The following CARMIL1 variants were observed in gnomAD, a reference collection of about 807,000 sequenced individuals.
CARMIL1 encodes the protein capping protein regulator and myosin 1 linker 1, also known as F-actin-uncapping protein LRRC16A.
In CARMIL1, 90 loss-of-function variants were observed where a neutral mutation model predicts 177.1. The observed-to-expected ratio is 0.51, with a 90% CI of 0.43 to 0.61. The LOEUF (loss-of-function observed/expected upper bound fraction) is 0.61, where lower values mean the gene tolerates loss of function less well. CARMIL1 is among the 20% of genes least tolerant of loss of function. CARMIL1 has a pLI of 0.00. For synonymous variants in CARMIL1, 577 were observed against 606.2 expected (o/e 0.95, Z 0.71); for missense variants, 1,380 against 1,667.0 (o/e 0.83, Z 3.00).
chr6:25,303,531 G>A (rs1220350649), intron 2 of CARMIL1, among the ~76,000 whole-genome samples: 2 of 152,172 alleles, frequency 1.3e-5, no homozygotes, highest in Non-Finnish European at 2.9e-5. Flanking sequence ...TCTGTTCTTA[G>A]AACCTTTGGT....
At chr6:25,335,623 A>T (rs772944989) in intron 2 of CARMIL1, among the ~76,000 whole-genome samples, 1 of 152,252 alleles carries the variant, frequency 6.6e-6, no homozygotes, top group Non-Finnish European at 1.5e-5. Context: ...CATGTCCCCA[A>T]GTGATAAATG....
rs769196410 is a variant in CARMIL1, at chr6:25,435,569, C to G, written c.336C>G (p.Thr112=). 1.3e-6 allele frequency: 2 copies of G among 1,568,210 alleles called. No individual in the cohort carries two copies. Among genetic ancestry groups the G allele is most frequent in the Non-Finnish European group, 1.7e-6 (2 of 1,155,418 alleles). The change falls in exon 5 of 37, where the codon ACC becomes ACG. Residue 112 remains threonine, a synonymous_variant. Transcript: ENST00000329474. The part of the protein sequence containing the change: ...DVSEVLAHIG[T]CLRKIFPGLS... ...GTGAGGTGCTGGCTCACATAGGCAC[C>G]TGCCTGAGGAAGATATTTCCTGGCC...
intron 17 of CARMIL1, among the ~76,000 whole-genome samples, chr6:25,507,790 A>G (rs1378490439): frequency 6.6e-6 from 1 of 152,204 alleles, no homozygotes; most frequent in African/African-American, 2.4e-5. Flanking sequence ...TCTCAAAAGC[A>G]TACTTTTTTC....
chr6:25,610,310 A>C, intron 36 of CARMIL1, 129 bp downstream of exon 36: 2 of 1,078,692 alleles, frequency 1.9e-6, no homozygotes, highest in Non-Finnish European at 2.5e-6. Context: ...GCTTGGGTTA[A>C]ATTTTTGGAA....
At chr6:25,338,075 G>A (rs1016687377) in intron 2 of CARMIL1, among the ~76,000 whole-genome samples, 3 of 152,000 alleles carry the variant, frequency 2.0e-5, no homozygotes, top group African/African-American at 7.3e-5. Context: ...TGGCCAACAT[G>A]GCGAAACCCC....
At chr6:25,321,875 G>T (rs992893684) in intron 2 of CARMIL1, among the ~76,000 whole-genome samples, 85 of 152,116 alleles carry the variant, frequency 5.6e-4, no homozygotes, top group African/African-American at 2.0e-3. Context: ...AGCCAGGATG[G>T]TCTCAATCTC....
intron 2 of CARMIL1, among the ~76,000 whole-genome samples, chr6:25,390,318 A>ATTTTT (rs1271192027): frequency 3.4e-4 from 15 of 43,684 alleles, no homozygotes; most frequent in South Asian, 8.5e-4. Context: ...ATATATATAT[A>ATTTTT]TATTTTTTTT....
chr6:25,331,424 C>G (rs1785616779), intron 2 of CARMIL1, among the ~76,000 whole-genome samples: 1 of 152,212 alleles, frequency 6.6e-6, no homozygotes, highest in South Asian at 2.1e-4. Context: ...TTAGTTCAGG[C>G]TGTCATCGCT....
intron 29 of CARMIL1, among the ~76,000 whole-genome samples, chr6:25,564,464 T>C (rs1282178283): frequency 1.3e-5 from 2 of 152,238 alleles, no homozygotes; most frequent in Non-Finnish European, 2.9e-5. Flanking sequence ...CCTATGAAAT[T>C]TGTTACCATA....
intron 26 of CARMIL1, among the ~76,000 whole-genome samples, chr6:25,542,987 T>C (rs1809071511): frequency 1.3e-5 from 2 of 152,202 alleles, no homozygotes; most frequent in Non-Finnish European, 2.9e-5. Context: ...TTCTCTAAAA[T>C]TAACATGTTA....
chr6:25,333,561 G>A (rs1785913935), intron 2 of CARMIL1, among the ~76,000 whole-genome samples: 1 of 152,216 alleles, frequency 6.6e-6, no homozygotes, highest in Non-Finnish European at 1.5e-5. Flanking sequence ...GCAAGACACT[G>A]TGTAAATAAA....
intron 2 of CARMIL1, among the ~76,000 whole-genome samples, chr6:25,397,996 A>G (rs1009896017): frequency 3.3e-5 from 5 of 152,298 alleles, no homozygotes; most frequent in South Asian, 4.2e-4. Context: ...ATCATTTAAT[A>G]TTGATGTTAT....
chr6:25,541,313 A>C (rs1269442468), intron 26 of CARMIL1, among the ~76,000 whole-genome samples: 1 of 152,222 alleles, frequency 6.6e-6, no homozygotes, highest in Non-Finnish European at 1.5e-5. Flanking sequence ...ATAAGTGATA[A>C]TACTATACAT....
intron 32 of CARMIL1, among the ~76,000 whole-genome samples, chr6:25,597,045 G>A (rs1814928984): frequency 6.6e-6 from 1 of 152,146 alleles, no homozygotes; most frequent in Non-Finnish European, 1.5e-5. Context: ...AAGCTGGGAA[G>A]TTCAAGTTTG....
intron 11 of CARMIL1, 28 bp from the exon 12 acceptor site, chr6:25,482,229 T>G (rs776797852): frequency 3.0e-5 from 36 of 1,204,046 alleles, no homozygotes; most frequent in Admixed American, 6.2e-5. Context: ...AACTTGAAAA[T>G]TCTAATCGCT....
intron 26 of CARMIL1, among the ~76,000 whole-genome samples, chr6:25,541,988 C>G (rs1177554517): frequency 6.6e-6 from 1 of 152,164 alleles, no homozygotes; most frequent in Non-Finnish European, 1.5e-5. Flanking sequence ...TCTTCAATAA[C>G]TCAGTGATGC....
At chr6:25,419,505 G>A (rs1375007611) in intron 2 of CARMIL1, among the ~76,000 whole-genome samples, 1 of 152,148 alleles carries the variant, frequency 6.6e-6, no homozygotes, top group African/African-American at 2.4e-5. Context: ...AGGCATATGG[G>A]ACCCCACAGG....
intron 2 of CARMIL1, among the ~76,000 whole-genome samples, chr6:25,307,419 A>G (rs1196334475): frequency 6.6e-6 from 1 of 152,126 alleles, no homozygotes; most frequent in Non-Finnish European, 1.5e-5. Flanking sequence ...GCAGTTCTCC[A>G]TCTTTGTCCA....
Position 25,515,031 on chromosome 6 carries a change from C to G in CARMIL1, c.1633-644C>G, listed in dbSNP as rs1648408865. Among the ~76,000 whole-genome samples, 1 of 152,110 alleles carries G rather than the reference C, an allele frequency of 6.6e-6. No homozygotes were observed. Among genetic ancestry groups the G allele is most frequent in the Non-Finnish European group, 1.5e-5 (1 of 68,028 alleles). ...GGGTTAGGAGCATGAAATCTGGAAC[C>G]AGTACATCTGGGTTTGAATCCTAGT... On this transcript the variant is annotated intron_variant, in intron 20 of 36. Coordinates refer to ENST00000329474, the MANE Select transcript of CARMIL1 (RefSeq NM_017640.6). This position sits in a 1 kb window ranked among gnomAD's most constrained non-coding sequence, Gnocchi z 5.0.
Sources: gnomAD v4.1 joint callset for allele counts (sites outside exome capture counted in the v4.1 genomes callset) on GRCh38, gnomAD v4.1.1 for gene constraint, Gnocchi (gnomAD v3.1) non-coding constraint, MANE v1.5 for transcripts, NCBI Gene and HGNC (gene_info 2026-07-23, HGNC 2026-07-21) for gene names.